Variants in BRWD1 observed in about 807,000 individuals in gnomAD.
The protein encoded by BRWD1 is bromodomain and WD repeat-containing protein 1.
BRWD1 carries 82 observed loss-of-function variants against 251.2 expected under a neutral mutation model. The observed-to-expected ratio is 0.33, with a 90% CI of 0.27 to 0.39. The LOEUF (loss-of-function observed/expected upper bound fraction) is 0.39. BRWD1 is among the 10% of genes least tolerant of loss of function. The pLI, the probability that BRWD1 is intolerant of heterozygous loss-of-function variation, is 1.00. For missense variants in BRWD1, 2,233 were observed against 2,711.6 expected (o/e 0.82, Z 3.92); for synonymous variants, 918 against 902.8 (o/e 1.02, Z -0.30).
chr21:39,243,346 AG>A (rs1307027475), intron 21 of BRWD1, among the ~76,000 whole-genome samples: 2 of 152,374 alleles, frequency 1.3e-5, no homozygotes, highest in African/African-American at 4.8e-5. Context: ...CACGTGATCC[AG>A]GATTTTATTT....
chr21:39,193,874 G>A lies in BRWD1; in HGVS notation c.*2385C>T. On this transcript the variant is annotated 3_prime_UTR_variant, in exon 41 of 41. Transcript: ENST00000342449. Reference sequence around the variant, plus strand: ...TATTAATTTTCCTTAAAGGTACTTAGGAGTGTGTGTGTCACATATTCAAAG... The same window carrying A: ...TATTAATTTTCCTTAAAGGTACTTAAGAGTGTGTGTGTCACATATTCAAAG... 1.0e-6 allele frequency: 1 copy of A among 985,310 alleles called. No homozygotes were observed. The highest frequency in any genetic ancestry group is 1.7e-5 in the African/African-American group (1 of 57,286). The allele number at this position is 985,310 out of a possible 1,614,324, so 61.0% of individuals were successfully genotyped here. A position where few individuals can be genotyped will look rare whatever the true frequency, so the allele number is the denominator to read the frequency against.
At chr21:39,260,677 C>G (rs76105053) in intron 17 of BRWD1, among the ~76,000 whole-genome samples, 6,340 of 152,222 alleles carry the variant, frequency 0.042, 131 homozygotes, top group Middle Eastern at 0.092. Context: ...ACTGTGATCC[C>G]TGAGAGAAGG....
At chr21:39,229,165 G>C (rs1203284904) in intron 26 of BRWD1, 147 bp downstream of exon 26, 3 of 682,456 alleles carry the variant, frequency 4.4e-6, no homozygotes, top group Admixed American at 3.0e-5. Flanking sequence ...GGGTTTCCTA[G>C]CCATCAGAAG....
chr21:39,304,027 G>C lies in BRWD1; in HGVS notation c.199-5445C>G, dbSNP rs371370755. Among the ~76,000 whole-genome samples, 339 of 150,996 alleles carry C rather than the reference G, an allele frequency of 2.2e-3. 2 individuals carry two copies. Among genetic ancestry groups the C allele is most frequent in the African/African-American group, 7.9e-3 (323 of 41,096 alleles). On this transcript the variant is annotated intron_variant, in intron 4 of 40. Coordinates refer to ENST00000342449, the MANE Select transcript of BRWD1 (RefSeq NM_033656.4). Reference sequence around the variant, plus strand: ...GTGGTGGCGGGCGCCTGTAATCCCAGCTACTCAGGAGGCTTAGGCAGGAGA... The same window carrying C: ...GTGGTGGCGGGCGCCTGTAATCCCACCTACTCAGGAGGCTTAGGCAGGAGA...
At chr21:39,237,464 C>G (rs372827253) in intron 22 of BRWD1, among the ~76,000 whole-genome samples, 1 of 152,182 alleles carries the variant, frequency 6.6e-6, no homozygotes. Context: ...GGCCCAACTT[C>G]AACCAACCAC....
chr21:39,313,293 T>C lies in BRWD1; in HGVS notation c.56A>G (p.Tyr19Cys). ...RPVPLIESEL[Y>C]FLIARYLSAG... ...CGATAGGTACCGGGCGATAAGGAAGTACAGCTCTGCGGGAAGACAAGGAGT... is the reference window on the plus strand; with the variant it reads ...CGATAGGTACCGGGCGATAAGGAAGCACAGCTCTGCGGGAAGACAAGGAGT... Residue 19 changes from tyrosine to cysteine, a missense_variant, in exon 2 of 41, where the codon TAC becomes TGC. Tyr to Cys is a radical substitution (Grantham distance 194, BLOSUM62 -2). Coordinates refer to ENST00000342449, the MANE Select transcript of BRWD1 (RefSeq NM_033656.4). 2.6e-6 allele frequency: 4 copies of C among 1,548,650 alleles called. No individual in the cohort carries two copies. Among genetic ancestry groups the C allele is most frequent in the Non-Finnish European group, 3.5e-6 (4 of 1,140,564 alleles).
chr21:39,193,874 GGAGT>G lies in BRWD1; in HGVS notation c.*2381_*2384del, dbSNP rs1478420146. Reference sequence around the variant, plus strand: ...TATTAATTTTCCTTAAAGGTACTTAGGAGTGTGTGTGTCACATATTCAAAGTTAA... The same window carrying G: ...TATTAATTTTCCTTAAAGGTACTTAGGTGTGTGTCACATATTCAAAGTTAA... On this transcript the variant is annotated 3_prime_UTR_variant, in exon 41 of 41. Coordinates refer to ENST00000342449, the MANE Select transcript of BRWD1 (RefSeq NM_033656.4). The G allele has an allele frequency of 1.0e-6, 1 of 985,192 alleles. No homozygotes were observed. The highest frequency in any genetic ancestry group is 1.1e-4 in the East Asian group (1 of 8,814). 61.0% of individuals were successfully genotyped at this position (985,192 alleles called of 1,614,324 possible).
At chr21:39,277,399 C>G (rs764120801) in intron 10 of BRWD1, 48 bp from the exon 11 acceptor site, 1 of 1,122,692 alleles carries the variant, frequency 8.9e-7, no homozygotes, top group Admixed American at 2.8e-5. Context: ...TAACAAATAC[C>G]TGAACAAATC....
chr21:39,269,627 A>G (rs1346697248), intron 15 of BRWD1, among the ~76,000 whole-genome samples: 2 of 152,200 alleles, frequency 1.3e-5, no homozygotes, highest in African/African-American at 4.8e-5. Context: ...AGTTTTTACA[A>G]TTGCCATACT....
At chr21:39,218,781 GT>G (rs2033056773) in intron 29 of BRWD1, 121 bp from the exon 30 acceptor site, 1 of 743,702 alleles carries the variant, frequency 1.3e-6, no homozygotes, top group East Asian at 3.1e-5. Flanking sequence ...CAAAAATAGA[GT>G]TCAAATGTGC....
chr21:39,314,199 G>A (rs751603545), upstream of BRWD1: 22 of 455,976 alleles, frequency 4.8e-5, no homozygotes, highest in African/African-American at 3.8e-4. Flanking sequence ...CCCGCAGAGG[G>A]GAACGCCGCC....
chr21:39,260,892 G>T (rs766278616), intron 17 of BRWD1, among the ~76,000 whole-genome samples: 5 of 152,186 alleles, frequency 3.3e-5, no homozygotes, highest in Non-Finnish European at 4.4e-5. Context: ...AAGCTCCAAA[G>T]ATCTGTAATG....
rs1568848890 is a variant in BRWD1 at position 39,193,497 on chromosome 21, G to C, written c.*2762C>G. The stretch of plus-strand genomic sequence containing the variant: ...AAATCATTTTTCCTTTATATGCTTG[G>C]TAAAGTGAGTCTTTCCAAGAAAGCA... On this transcript the variant is annotated 3_prime_UTR_variant, in exon 41 of 41. Coordinates refer to ENST00000342449, the MANE Select transcript of BRWD1 (RefSeq NM_033656.4). The C allele has an allele frequency of 1.0e-6, 1 of 985,010 alleles. No homozygotes were observed. Among genetic ancestry groups the C allele is most frequent in the South Asian group, 4.7e-5 (1 of 21,280 alleles). The allele number at this position is 985,010 out of a possible 1,614,324, so 61.0% of individuals were successfully genotyped here.
rs774740335 is a variant in BRWD1 at position 39,236,786 on chromosome 21, T to C, written c.2577-2A>G. ...TCGGAATATCTAGATGAAGAGTCAC[T>C]AGAAAAGGGGAGTGCTTTCAGTTGA... On this transcript the variant is annotated splice_acceptor_variant, in intron 22 of 40. Coordinates refer to ENST00000342449, the MANE Select transcript of BRWD1 (RefSeq NM_033656.4). LOFTEE classifies it high-confidence loss of function. 2.5e-6 allele frequency: 4 copies of C among 1,611,820 alleles called. No homozygotes were observed. The highest frequency in any genetic ancestry group is 1.7e-5 in the Admixed American group (1 of 59,592).
At chr21:39,217,010 A>AATATACATATATAT (rs2032924444) in intron 31 of BRWD1, 1 of 78,148 alleles carries the variant, frequency 1.3e-5, no homozygotes, top group African/African-American at 5.5e-5. Context: ...AGCTCCCACA[A>AATATACATATATAT]ATATATATAT....
chr21:39,277,675 T>G (rs1410249795), intron 10 of BRWD1, among the ~76,000 whole-genome samples: 1 of 152,034 alleles, frequency 6.6e-6, no homozygotes, highest in Non-Finnish European at 1.5e-5. Flanking sequence ...GTAATTCTAC[T>G]GCCTCAGCCT....
At chr21:39,302,500 T>C (rs1347090327) in intron 4 of BRWD1, among the ~76,000 whole-genome samples, 1 of 152,088 alleles carries the variant, frequency 6.6e-6, no homozygotes, top group African/African-American at 2.4e-5. Flanking sequence ...CTCAGACTTG[T>C]AATCTCAGCA....
At chr21:39,275,414 C>T (rs546579343) in intron 12 of BRWD1, among the ~76,000 whole-genome samples, 4 of 152,214 alleles carry the variant, frequency 2.6e-5, no homozygotes, top group African/African-American at 7.2e-5. Flanking sequence ...AGAAAAACTA[C>T]TTTTGGTCGC....
chr21:39,313,616 T>G lies in BRWD1; in HGVS notation c.-125A>C, dbSNP rs1164207064. 2.8e-6 allele frequency: 2 copies of G among 724,300 alleles called. No individual in the cohort carries two copies. The highest frequency in any genetic ancestry group is 4.7e-5 in the South Asian group (1 of 21,502). The allele number at this position is 724,300 out of a possible 1,614,324, so 44.9% of individuals were successfully genotyped here. On this transcript the variant is annotated 5_prime_UTR_variant, in exon 1 of 41. The change abolishes an upstream ATG in the 5' untranslated region. Transcript: ENST00000342449. The stretch of plus-strand genomic sequence containing the variant: ...GCCGCCGCCGCCGCCGCCGCCGCCA[T>G]ACCGTGCGCGCCGCCTGGACCGACG...
Sources: gnomAD v4.1 joint callset for allele counts (sites outside exome capture counted in the v4.1 genomes callset) on GRCh38, gnomAD v4.1.1 for gene constraint, MANE v1.5 for transcripts, NCBI Gene and HGNC (gene_info 2026-07-23, HGNC 2026-07-21) for gene names.